Variants in TMEM132D observed in about 807,000 individuals in gnomAD.
The protein encoded by TMEM132D is mature OL transmembrane protein.
Under a neutral mutation model 62.3 loss-of-function variants are expected in TMEM132D, and 21 were observed. That is an observed-to-expected ratio of 0.34 (90% confidence interval 0.24 to 0.49). The LOEUF (loss-of-function observed/expected upper bound fraction) is 0.49. Ranked by LOEUF, TMEM132D falls within the 20% of genes least tolerant of loss-of-function variation. The pLI is 0.99. For missense variants in TMEM132D, 1,346 were observed against 1,402.8 expected (o/e 0.96, Z 0.65); for synonymous variants, 621 against 575.6 (o/e 1.08, Z -1.13).
At chr12:129,215,008 G>A (rs1879163040) in intron 4 of TMEM132D, among the ~76,000 whole-genome samples, 1 of 152,284 alleles carries the variant, frequency 6.6e-6, no homozygotes, top group East Asian at 1.9e-4. Context: ...ACACAGGCAT[G>A]TGCATGTATA....
intron 3 of TMEM132D, among the ~76,000 whole-genome samples, chr12:129,505,311 T>C (rs956879244): frequency 1.1e-3 from 170 of 152,076 alleles, no homozygotes; most frequent in African/African-American, 3.9e-3. Context: ...GGCGCAATCT[T>C]GGCTCACTGC....
intron 2 of TMEM132D, among the ~76,000 whole-genome samples, chr12:129,635,903 G>A (rs1384114500): frequency 6.6e-6 from 1 of 152,196 alleles, no homozygotes; most frequent in Non-Finnish European, 1.5e-5. Flanking sequence ...GTATACATTG[G>A]TTCAGTGCAG....
chr12:129,151,685 T>A (rs918077713), intron 5 of TMEM132D, among the ~76,000 whole-genome samples: 1 of 152,182 alleles, frequency 6.6e-6, no homozygotes, highest in Non-Finnish European at 1.5e-5. Context: ...TTTCTTGGGA[T>A]TCGCTAGACC....
chr12:129,449,750 G>A (rs1007264279), intron 3 of TMEM132D, among the ~76,000 whole-genome samples: 5 of 152,112 alleles, frequency 3.3e-5, no homozygotes, highest in Non-Finnish European at 7.3e-5. Context: ...GATATCGTGT[G>A]GTCCTCAGGG....
intron 1 of TMEM132D, among the ~76,000 whole-genome samples, chr12:129,749,274 A>G (rs1869919924): frequency 6.6e-6 from 1 of 152,206 alleles, no homozygotes; most frequent in South Asian, 2.1e-4. Context: ...CTCATAGCAC[A>G]GCTCTAGAGC....
At chr12:129,257,303 T>C (rs936880050) in intron 4 of TMEM132D, among the ~76,000 whole-genome samples, 1 of 149,356 alleles carries the variant, frequency 6.7e-6, no homozygotes, top group Non-Finnish European at 1.5e-5. Context: ...GCCTCCCGGG[T>C]TCACGCCATT....
At chr12:129,513,848 A>T (rs189904501) in intron 3 of TMEM132D, among the ~76,000 whole-genome samples, 80 of 112,768 alleles carry the variant, frequency 7.1e-4, no homozygotes, top group East Asian at 3.8e-3. Context: ...TTATTTATTT[A>T]TTTTTTTGAG....
At chr12:129,610,294 A>AG (rs1208328107) in intron 2 of TMEM132D, among the ~76,000 whole-genome samples, 17 of 148,484 alleles carry the variant, frequency 1.1e-4, no homozygotes, top group African/African-American at 2.5e-4. Context: ...AAAAAAAAAA[A>AG]GAGAGACAGA....
intron 3 of TMEM132D, among the ~76,000 whole-genome samples, chr12:129,453,035 T>G (rs1412546696): frequency 6.6e-6 from 1 of 152,166 alleles, no homozygotes; most frequent in African/African-American, 2.4e-5. Context: ...CTCTGCCTCC[T>G]GTCAGATCAG....
chr12:129,198,101 T>C (rs1878598077), intron 5 of TMEM132D, among the ~76,000 whole-genome samples: 2 of 152,136 alleles, frequency 1.3e-5, no homozygotes, highest in Admixed American at 6.6e-5. Context: ...TCACCTCACA[T>C]CTGTCAGAAT....
At chr12:129,621,535 C>A (rs1270030938) in intron 2 of TMEM132D, among the ~76,000 whole-genome samples, 1 of 152,068 alleles carries the variant, frequency 6.6e-6, no homozygotes, top group Non-Finnish European at 1.5e-5. Flanking sequence ...CACCGATGCA[C>A]CCAGTGAATG....
intron 8 of TMEM132D, among the ~76,000 whole-genome samples, chr12:129,077,412 G>T (rs1874297392): frequency 1.3e-5 from 2 of 152,326 alleles, no homozygotes; most frequent in South Asian, 4.2e-4. Flanking sequence ...TTGTTATTAA[G>T]CAAGCTTCAC....
chr12:129,703,928 A>AAG (rs1881444096), intron 1 of TMEM132D, among the ~76,000 whole-genome samples: 3 of 151,688 alleles, frequency 2.0e-5, no homozygotes. Flanking sequence ...AATAGGCAAA[A>AAG]AAAAAAAAAA....
At chr12:129,259,289 G>T (rs1880490344) in intron 4 of TMEM132D, among the ~76,000 whole-genome samples, 2 of 152,208 alleles carry the variant, frequency 1.3e-5, no homozygotes, top group Non-Finnish European at 2.9e-5. Context: ...TCTGGTAATG[G>T]TCAGCATCCT....
Position 129,903,343 on chromosome 12 carries a change from G to A in TMEM132D, c.-4C>T. The A allele has an allele frequency of 6.4e-7, 1 of 1,551,784 alleles. No individual in the cohort carries two copies. The highest frequency in any genetic ancestry group is 8.7e-7 in the Non-Finnish European group (1 of 1,147,152). ...TCCCCATCTCAGACGGGCACATCCT[G>A]GAGACCCGGAGCGCAGATCCTCCGC... On this transcript the variant is annotated 5_prime_UTR_variant, in exon 1 of 9. Coordinates refer to ENST00000422113, the MANE Select transcript of TMEM132D (RefSeq NM_133448.3). The surrounding 1 kb of genome is among the most constrained non-coding windows in gnomAD (Gnocchi z 6.2).
At chr12:129,716,309 C>T (rs1446652994) in intron 1 of TMEM132D, among the ~76,000 whole-genome samples, 1 of 152,188 alleles carries the variant, frequency 6.6e-6, no homozygotes, top group Non-Finnish European at 1.5e-5. Flanking sequence ...TGCTCAGGCA[C>T]ATGCTCTGGC....
At chr12:129,298,210 A>C (rs1289644989) in intron 4 of TMEM132D, among the ~76,000 whole-genome samples, 1 of 152,212 alleles carries the variant, frequency 6.6e-6, no homozygotes, top group Non-Finnish European at 1.5e-5. Context: ...ATCAATGTCT[A>C]TCATAAGCAA....
At chr12:129,298,561 C>A (rs1881631434) in intron 4 of TMEM132D, among the ~76,000 whole-genome samples, 1 of 152,162 alleles carries the variant, frequency 6.6e-6, no homozygotes, top group African/African-American at 2.4e-5. Context: ...GAACTGCTTC[C>A]TCCTATCTGA....
Position 129,531,195 on chromosome 12 carries a change from T to C in TMEM132D, c.979A>G (p.Lys327Glu). ...ACGCCGATGATGTTCACGCCTTTCT[T>C]CACCTTTGCCCTGTTGGAGACAGCA... ...EDRFTLRAKV[K>E]KGVNIIGVRA... Residue 327 changes from lysine to glutamate, a missense_variant, in exon 3 of 9, where the codon AAG becomes GAG. Physicochemically the swap from Lys to Glu is moderately conservative, Grantham distance 56. Transcript: ENST00000422113. 1 of 1,611,452 alleles carries C rather than the reference T, an allele frequency of 6.2e-7. No homozygotes were observed. The highest frequency in any genetic ancestry group is 8.5e-7 in the Non-Finnish European group (1 of 1,179,316).
Sources: gnomAD v4.1 joint callset for allele counts (sites outside exome capture counted in the v4.1 genomes callset) on GRCh38, gnomAD v4.1.1 for gene constraint, Gnocchi (gnomAD v3.1) non-coding constraint, MANE v1.5 for transcripts, NCBI Gene and HGNC (gene_info 2026-07-23, HGNC 2026-07-21) for gene names.